Variants in RBFOX1 observed in about 807,000 individuals in gnomAD.
RBFOX1 encodes RNA binding protein fox-1 homolog 1.
RBFOX1 carries 8 observed loss-of-function variants against 57.7 expected under a neutral mutation model. The ratio of observed to expected loss-of-function variants is 0.14; its 90% CI spans 0.08 to 0.25. RBFOX1 has a LOEUF of 0.25. RBFOX1 is among the 10% of genes least tolerant of loss of function. RBFOX1 has a pLI of 1.00. For missense variants in RBFOX1, 611 were observed against 548.5 expected (o/e 1.11, Z -1.14); for synonymous variants, 326 against 222.4 (o/e 1.47, Z -4.15).
intron 1 of RBFOX1, among the ~76,000 whole-genome samples, chr16:5,447,472 C>T (rs1312034942): frequency 1.3e-5 from 2 of 151,498 alleles, no homozygotes; most frequent in Admixed American, 6.6e-5. Flanking sequence ...CTCACTGCAG[C>T]CTTCACTTCA....
chr16:6,271,135 A>G (rs2075160863), intron 1 of RBFOX1, among the ~76,000 whole-genome samples: 1 of 152,174 alleles, frequency 6.6e-6, no homozygotes, highest in Non-Finnish European at 1.5e-5. Flanking sequence ...AAGAACATAG[A>G]AAAAGAGGCC....
chr16:6,778,320 TC>T (rs1307910070), intron 3 of RBFOX1, among the ~76,000 whole-genome samples: 1 of 152,174 alleles, frequency 6.6e-6, no homozygotes, highest in Non-Finnish European at 1.5e-5. Context: ...ACATGATTCC[TC>T]ATGTACCCAT....
At chr16:5,336,592 G>A (rs1468760766) in intron 1 of RBFOX1, among the ~76,000 whole-genome samples, 1 of 152,202 alleles carries the variant, frequency 6.6e-6, no homozygotes, top group Non-Finnish European at 1.5e-5. Flanking sequence ...AGGTGCAGGG[G>A]CAGGAGAACC....
At chr16:7,238,877 G>A (rs180965784) in intron 4 of RBFOX1, among the ~76,000 whole-genome samples, 15 of 152,204 alleles carry the variant, frequency 9.9e-5, no homozygotes, top group Admixed American at 3.3e-4. Context: ...CCACTTATAC[G>A]TGAGAACATG....
intron 4 of RBFOX1, among the ~76,000 whole-genome samples, chr16:7,353,008 A>G (rs929112297): frequency 6.6e-6 from 1 of 152,110 alleles, no homozygotes; most frequent in African/African-American, 2.4e-5. Context: ...GAGCCACTGC[A>G]CCCAGCCCAT....
At chr16:6,361,031 G>A (rs1164490077) in intron 2 of RBFOX1, among the ~76,000 whole-genome samples, 1 of 151,962 alleles carries the variant, frequency 6.6e-6, no homozygotes, top group Non-Finnish European at 1.5e-5. Context: ...ACCAAGCTGA[G>A]CCGTTGCCAT....
At chr16:7,442,116 G>A (rs1406740097) in intron 4 of RBFOX1, among the ~76,000 whole-genome samples, 1 of 152,126 alleles carries the variant, frequency 6.6e-6, no homozygotes, top group African/African-American at 2.4e-5. Context: ...CAGGTGCCCA[G>A]GGGTCTGAGT....
intron 4 of RBFOX1, among the ~76,000 whole-genome samples, chr16:5,937,754 C>T (rs1269150579): frequency 6.7e-6 from 1 of 148,642 alleles, no homozygotes; most frequent in African/African-American, 2.5e-5. Context: ...TAAATATGTA[C>T]AGATACAAAT....
At chr16:5,523,315 C>T (rs187037437) in intron 2 of RBFOX1, among the ~76,000 whole-genome samples, 4 of 151,896 alleles carry the variant, frequency 2.6e-5, no homozygotes, top group Non-Finnish European at 4.4e-5. Flanking sequence ...ACAGGTGTCC[C>T]TTTGATGTAC....
At chr16:6,689,354 C>T (rs2059892139) in intron 3 of RBFOX1, among the ~76,000 whole-genome samples, 1 of 152,102 alleles carries the variant, frequency 6.6e-6, no homozygotes, top group Non-Finnish European at 1.5e-5. Flanking sequence ...AAGTCTTCAC[C>T]TCCACATATA....
At chr16:5,802,041 CTT>C (rs1397019728) in intron 3 of RBFOX1, among the ~76,000 whole-genome samples, 2 of 152,082 alleles carry the variant, frequency 1.3e-5, no homozygotes, top group Non-Finnish European at 2.9e-5. Flanking sequence ...GACGGGGCCT[CTT>C]TATAGATTAA....
chr16:7,559,919 C>T (rs902236046), intron 5 of RBFOX1, among the ~76,000 whole-genome samples: 18 of 152,202 alleles, frequency 1.2e-4, no homozygotes, highest in African/African-American at 4.3e-4. Context: ...AACTGTTGGT[C>T]AAATGCTACA....
chr16:6,788,741 C>T lies in RBFOX1; in HGVS notation c.-16+134091C>T, dbSNP rs567247451. On this transcript the variant is annotated intron_variant, in intron 3 of 15. Transcript: ENST00000550418. ...CCGCCCGCCTCGGCCTCCCAGAGTG[C>T]TGGGATTACAGGTGTGAGCGACCGT... Among the ~76,000 whole-genome samples, 9 of 148,036 alleles carry T rather than the reference C, an allele frequency of 6.1e-5. No homozygotes were observed. In the East Asian group the frequency reaches 1.7e-3, roughly 28 times the overall value.
chr16:6,225,432 C>T (rs2097409152), intron 1 of RBFOX1, among the ~76,000 whole-genome samples: 1 of 152,094 alleles, frequency 6.6e-6, no homozygotes, highest in Non-Finnish European at 1.5e-5. Context: ...TCAAGATCAA[C>T]CCTATCTGGA....
At chr16:6,494,137 C>G (rs543759769) in intron 2 of RBFOX1, among the ~76,000 whole-genome samples, 1 of 152,192 alleles carries the variant, frequency 6.6e-6, no homozygotes, top group Non-Finnish European at 1.5e-5. Context: ...ACACTATTCT[C>G]TAATGGTAAT....
At chr16:6,121,348 T>C (rs2096547656) in intron 1 of RBFOX1, among the ~76,000 whole-genome samples, 1 of 152,188 alleles carries the variant, frequency 6.6e-6, no homozygotes, top group Admixed American at 6.5e-5. Flanking sequence ...AGCTGGCCTG[T>C]CTACATGGTG....
chr16:7,128,819 T>C (rs953690972), intron 4 of RBFOX1, among the ~76,000 whole-genome samples: 1 of 17,080 alleles, frequency 5.9e-5, no homozygotes. Context: ...TTCTTTTTAC[T>C]TTTTTTTTTT....
At chr16:6,491,485 A>C (rs1023262941) in intron 2 of RBFOX1, among the ~76,000 whole-genome samples, 2 of 152,238 alleles carry the variant, frequency 1.3e-5, no homozygotes, top group South Asian at 4.1e-4. Context: ...TAAGTGGTTC[A>C]GGATTCACAT....
At chr16:6,121,159 C>A (rs561709483) in intron 1 of RBFOX1, among the ~76,000 whole-genome samples, 1 of 152,150 alleles carries the variant, frequency 6.6e-6, no homozygotes, top group Non-Finnish European at 1.5e-5. Context: ...CACAGCCCTG[C>A]CAACCCATCA....
Sources: allele counts gnomAD v4.1 joint callset (sites outside exome capture counted in the v4.1 genomes callset), GRCh38; gene constraint gnomAD v4.1.1; transcripts MANE v1.5; gene names NCBI Gene and HGNC (gene_info 2026-07-23, HGNC 2026-07-21).